RASA1: variants seen among roughly 807,000 people sequenced by gnomAD.
RASA1 encodes the protein RAS p21 protein activator 1.
Under a neutral mutation model 132.2 loss-of-function variants are expected in RASA1, and 25 were observed. That is an observed-to-expected ratio of 0.19 (90% confidence interval 0.14 to 0.26). RASA1 has a LOEUF of 0.26. Ranked by LOEUF, RASA1 falls within the 10% of genes least tolerant of loss-of-function variation. RASA1 has a pLI of 1.00. For synonymous variants in RASA1, 477 were observed against 449.9 expected (o/e 1.06, Z -0.76); for missense variants, 964 against 1,299.2 (o/e 0.74, Z 3.97).
At chr5:87,349,753 T>A (rs557937676) in intron 8 of RASA1, among the ~76,000 whole-genome samples, 1 of 151,940 alleles carries the variant, frequency 6.6e-6, no homozygotes, top group African/African-American at 2.4e-5. Flanking sequence ...CTGAGACTTA[T>A]TATACAGATG....
At chr5:87,314,740 TAAA>T (rs1031605229) in intron 1 of RASA1, among the ~76,000 whole-genome samples, 16 of 146,976 alleles carry the variant, frequency 1.1e-4, no homozygotes, top group Middle Eastern at 7.0e-3. Flanking sequence ...GATGGTCATT[TAAA>T]AAAAAAAAGT....
chr5:87,302,216 C>G (rs549203750), intron 1 of RASA1, among the ~76,000 whole-genome samples: 1 of 152,044 alleles, frequency 6.6e-6, no homozygotes, highest in South Asian at 2.1e-4. Flanking sequence ...ATTGTTTACC[C>G]TTTTCATTGT....
intron 11 of RASA1, among the ~76,000 whole-genome samples, chr5:87,367,212 C>T (rs1164328354): frequency 2.6e-5 from 4 of 152,002 alleles, no homozygotes; most frequent in Admixed American, 2.0e-4. Flanking sequence ...GACATCTGTA[C>T]CATATAATAG....
intron 1 of RASA1, among the ~76,000 whole-genome samples, chr5:87,287,496 A>ACACCATATATATACC (rs1460780557): frequency 7.3e-6 from 1 of 137,170 alleles, no homozygotes; most frequent in African/African-American, 3.0e-5. Flanking sequence ...CCATATATAT[A>ACACCATATATATACC]CACCATATAT....
At chr5:87,335,419 G>GTTTTTTTTTTTT (rs34986349) in intron 4 of RASA1, among the ~76,000 whole-genome samples, 5 of 72,926 alleles carry the variant, frequency 6.9e-5, no homozygotes, top group Non-Finnish European at 9.7e-5. Context: ...AAAGAATGAG[G>GTTTTTTTTTTTT]TTTTTTTTTT....
chr5:87,312,639 A>G (rs1756007330), intron 1 of RASA1, among the ~76,000 whole-genome samples: 1 of 152,182 alleles, frequency 6.6e-6, no homozygotes, highest in African/African-American at 2.4e-5. Context: ...GAACAACTAA[A>G]CTAAGGGAAA....
Position 87,386,812 on chromosome 5 carries a change from AT to A in RASA1, c.2848-10del. On this transcript the variant is annotated splice_polypyrimidine_tract_variant and intron_variant, in intron 22 of 24. Coordinates refer to ENST00000274376, the MANE Select transcript of RASA1 (RefSeq NM_002890.3). Reference sequence around the variant, plus strand: ...TGTTTCTGGTGCATATAACAGAAGCATTTTATTTTTCAGGAGCCCTACATGG... The same window carrying A: ...TGTTTCTGGTGCATATAACAGAAGCATTTATTTTTCAGGAGCCCTACATGG... 1 of 1,609,318 alleles carries A rather than the reference AT, an allele frequency of 6.2e-7. No individual in the cohort carries two copies. The highest frequency in any genetic ancestry group is 8.5e-7 in the Non-Finnish European group (1 of 1,176,054).
intron 1 of RASA1, among the ~76,000 whole-genome samples, chr5:87,287,869 A>G (rs1754729058): frequency 7.3e-6 from 1 of 137,118 alleles, no homozygotes; most frequent in Non-Finnish European, 1.6e-5. Flanking sequence ...TATATATACC[A>G]TATATACACA....
intron 23 of RASA1, among the ~76,000 whole-genome samples, chr5:87,388,190 A>G (rs1561332299): frequency 6.6e-6 from 1 of 152,192 alleles, no homozygotes; most frequent in Non-Finnish European, 1.5e-5. Context: ...TCTGAAGGCA[A>G]ATATGGAGTC....
rs1754637438 is a variant in RASA1, at chr5:87,287,187, C to A, written c.539+18197C>A. Among the ~76,000 whole-genome samples the A allele has an allele frequency of 2.8e-5, 4 of 143,308 alleles. No homozygotes were observed. The South Asian group carries it at 6.6e-4, about 24-fold the overall frequency. The allele number at this position is 143,308 out of a possible 152,430, so 94.0% of individuals were successfully genotyped here. ...TATATATACACACCATATATATATA[C>A]ACACCGTATATACACACCATATATA... On this transcript the variant is annotated intron_variant, in intron 1 of 24. Coordinates refer to ENST00000274376, the MANE Select transcript of RASA1 (RefSeq NM_002890.3).
intron 1 of RASA1, among the ~76,000 whole-genome samples, chr5:87,321,901 C>T (rs1756842986): frequency 6.6e-6 from 1 of 152,182 alleles, no homozygotes; most frequent in Non-Finnish European, 1.5e-5. Flanking sequence ...TAGAGTCCTG[C>T]CTTGGTGCAG....
intron 1 of RASA1, among the ~76,000 whole-genome samples, chr5:87,317,435 A>G (rs565833362): frequency 6.6e-6 from 1 of 152,252 alleles, no homozygotes; most frequent in African/African-American, 2.4e-5. Flanking sequence ...AAGGAATTAG[A>G]CTAGATATCT....
intron 5 of RASA1, among the ~76,000 whole-genome samples, chr5:87,340,281 T>C (rs1758342440): frequency 6.6e-6 from 1 of 152,150 alleles, no homozygotes; most frequent in African/African-American, 2.4e-5. Context: ...CAAAATTGTT[T>C]CCTTCTGTAT....
chr5:87,271,288 AAAAT>A (rs1430497990), intron 1 of RASA1, among the ~76,000 whole-genome samples: 2 of 152,118 alleles, frequency 1.3e-5, no homozygotes, highest in Admixed American at 6.5e-5. Flanking sequence ...GCTTTTGAAA[AAAAT>A]AGTTCAATTT....
intron 24 of RASA1, among the ~76,000 whole-genome samples, chr5:87,389,805 CTAGT>C (rs1288795474): frequency 2.0e-5 from 3 of 152,200 alleles, no homozygotes; most frequent in South Asian, 2.1e-4. Flanking sequence ...GTGAAAATGG[CTAGT>C]TAGTAAGTCA....
intron 9 of RASA1, among the ~76,000 whole-genome samples, chr5:87,358,366 G>C (rs374240959): frequency 2.0e-5 from 3 of 152,166 alleles, no homozygotes; most frequent in Admixed American, 2.0e-4. Flanking sequence ...CTTTACCAAG[G>C]TGACACTACA....
chr5:87,346,790 T>G, intron 7 of RASA1, 66 bp downstream of exon 7: 1 of 1,260,798 alleles, frequency 7.9e-7, no homozygotes, highest in South Asian at 1.3e-5. Flanking sequence ...AACAAACCAT[T>G]TATCATGTGT....
chr5:87,333,869 T>C (rs1438806419), intron 4 of RASA1, among the ~76,000 whole-genome samples: 2 of 152,148 alleles, frequency 1.3e-5, no homozygotes, highest in Non-Finnish European at 2.9e-5. Context: ...TAATTCTTAC[T>C]GACACATTTT....
chr5:87,278,826 A>G (rs1252375662), intron 1 of RASA1, among the ~76,000 whole-genome samples: 3 of 151,188 alleles, frequency 2.0e-5, no homozygotes, highest in Non-Finnish European at 2.9e-5. Flanking sequence ...GAGTTTCTTC[A>G]CCACTAGAAT....
Sources: gnomAD v4.1 joint callset for allele counts (sites outside exome capture counted in the v4.1 genomes callset) on GRCh38, gnomAD v4.1.1 for gene constraint, MANE v1.5 for transcripts, NCBI Gene and HGNC (gene_info 2026-07-23, HGNC 2026-07-21) for gene names.